The following DAPK1 variants were observed in gnomAD, a reference collection of about 807,000 sequenced individuals.
DAPK1 encodes the protein death-associated protein kinase 1.
Under a neutral mutation model 144.9 loss-of-function variants are expected in DAPK1, and 56 were observed. The observed-to-expected ratio is 0.39, with a 90% confidence interval of 0.31 to 0.48. The LOEUF is 0.48. Among genes scored for constraint, DAPK1 ranks in the 20% least tolerant of loss-of-function variants. The pLI, the probability that DAPK1 is intolerant of heterozygous loss-of-function variation, is 0.95. For synonymous variants in DAPK1, 690 were observed against 749.0 expected, an observed-to-expected ratio of 0.92 and a Z score of 1.29; for missense variants, 1,454 against 1,875.4, an observed-to-expected ratio of 0.78 and a Z score of 4.15.
intron 2 of DAPK1, among the ~76,000 whole-genome samples, chr9:87,570,355 CA>C (rs1288308326): frequency 6.6e-6 from 1 of 152,116 alleles, no homozygotes; most frequent in Non-Finnish European, 1.5e-5. Context: ...TGTCCATTAG[CA>C]AAGAAGAGAA....
At chr9:87,595,819 G>A (rs192153121) in intron 2 of DAPK1, among the ~76,000 whole-genome samples, 2 of 152,194 alleles carry the variant, frequency 1.3e-5, no homozygotes, top group African/African-American at 4.8e-5. Flanking sequence ...CCAGGGTGAC[G>A]GACTGCTGTT....
intron 2 of DAPK1, among the ~76,000 whole-genome samples, chr9:87,528,984 T>C (rs1334012864): frequency 6.6e-6 from 1 of 151,884 alleles, no homozygotes; most frequent in Non-Finnish European, 1.5e-5. Flanking sequence ...AAGGGAAGAA[T>C]GCTTCAAGGG....
chr9:87,686,644 T>C lies in DAPK1; in HGVS notation c.2318T>C (p.Met773Thr). 1.2e-6 allele frequency: 2 copies of C among 1,611,954 alleles called. No individual in the cohort carries two copies. The highest frequency in any genetic ancestry group is 1.3e-5 in the African/African-American group (1 of 74,988). ...TTCGAGCCGGGTCTTACCAAAGGGATGCTGGAGGTGTTTGTGGCCCCGACC... is the reference window on the plus strand; with the variant it reads ...TTCGAGCCGGGTCTTACCAAAGGGACGCTGGAGGTGTTTGTGGCCCCGACC... Reference protein sequence around the residue: ...MMFEPGLTKGMLEVFVAPTHH... With the variant: ...MMFEPGLTKGTLEVFVAPTHH... Residue 773 changes from methionine (M) to threonine (T), a missense_variant, in exon 21 of 26, where the codon ATG becomes ACG. By Grantham distance (81) the Met-to-Thr change is moderately conservative. Coordinates refer to ENST00000408954, the MANE Select transcript of DAPK1 (RefSeq NM_004938.4). The surrounding 1 kb of genome is among the most constrained non-coding windows in gnomAD (Gnocchi z 4.2).
chr9:87,642,762 C>T (rs1025665596), intron 10 of DAPK1, among the ~76,000 whole-genome samples: 2 of 152,174 alleles, frequency 1.3e-5, no homozygotes, highest in Admixed American at 1.3e-4. Flanking sequence ...AGGAAGACCA[C>T]AGCACTAGAT....
At chr9:87,568,182 G>A (rs527986155) in intron 2 of DAPK1, among the ~76,000 whole-genome samples, 9 of 152,370 alleles carry the variant, frequency 5.9e-5, no homozygotes, top group South Asian at 2.1e-4. Flanking sequence ...CAGCTGGAGC[G>A]CACGGGGCCA....
At chr9:87,646,106 C>A in intron 12 of DAPK1, 92 bp downstream of exon 12, 1 of 1,451,206 alleles carries the variant, frequency 6.9e-7, no homozygotes, top group Non-Finnish European at 9.4e-7. Flanking sequence ...CTTCTCCATT[C>A]TCCCTTCCAA....
chr9:87,525,929 T>C (rs1262449466), intron 2 of DAPK1, among the ~76,000 whole-genome samples: 1 of 152,196 alleles, frequency 6.6e-6, no homozygotes, highest in Non-Finnish European at 1.5e-5. Context: ...ATATTAAATT[T>C]ACCAAGAAAC....
chr9:87,594,378 G>A (rs1313976708), intron 2 of DAPK1, among the ~76,000 whole-genome samples: 1 of 152,180 alleles, frequency 6.6e-6, no homozygotes, highest in Non-Finnish European at 1.5e-5. Flanking sequence ...GCTGGAGCCA[G>A]GGTCCCTGCT....
chr9:87,668,689 T>A lies in DAPK1; in HGVS notation c.2001+15T>A. 9.3e-7 allele frequency: 1 copy of A among 1,077,398 alleles called. No individual in the cohort carries two copies. Among genetic ancestry groups the A allele is most frequent in the Non-Finnish European group, 1.5e-6 (1 of 688,980 alleles). 66.7% of individuals were successfully genotyped at this position (1,077,398 alleles called of 1,614,324 possible). On this transcript the variant is annotated intron_variant, in intron 19 of 25. Transcript: ENST00000408954. ...GACTTCGAAAGGTGAGAAGTTCTGT[T>A]ATAGGTCTGAAGTTCTCTACCTGTG...
At chr9:87,653,104 G>T (rs987997205) in intron 17 of DAPK1, among the ~76,000 whole-genome samples, 10 of 144,838 alleles carry the variant, frequency 6.9e-5, no homozygotes, top group Non-Finnish European at 1.2e-4. Context: ...CCGATCCCGG[G>T]TCCTGATTCT....
chr9:87,600,518 G>A (rs888097975), intron 2 of DAPK1, among the ~76,000 whole-genome samples: 7 of 152,128 alleles, frequency 4.6e-5, no homozygotes, highest in Non-Finnish European at 5.9e-5. Context: ...GCTCGAGCTC[G>A]GGAGGTCAAG....
intron 2 of DAPK1, among the ~76,000 whole-genome samples, chr9:87,501,646 A>G (rs1003788339): frequency 2.0e-5 from 3 of 152,260 alleles, no homozygotes; most frequent in Non-Finnish European, 4.4e-5. Flanking sequence ...GACAAAGTAC[A>G]TAGCCAGGAG....
At chr9:87,662,734 C>A (rs1453659100) in intron 18 of DAPK1, among the ~76,000 whole-genome samples, 1 of 151,748 alleles carries the variant, frequency 6.6e-6, no homozygotes, top group African/African-American at 2.4e-5. Context: ...GTGACATCCT[C>A]AGGGTTTTCT....
At chr9:87,525,198 G>A in intron 2 of DAPK1, 1 of 808,288 alleles carries the variant, frequency 1.2e-6, no homozygotes, top group Non-Finnish European at 2.1e-6. Flanking sequence ...ATGAGTACCA[G>A]AACTTTCTGC....
At chr9:87,598,676 A>T (rs961766536) in intron 2 of DAPK1, among the ~76,000 whole-genome samples, 5 of 152,174 alleles carry the variant, frequency 3.3e-5, no homozygotes, top group African/African-American at 7.2e-5. Context: ...GACATTGTAT[A>T]TCCACACCTT....
intron 3 of DAPK1, among the ~76,000 whole-genome samples, chr9:87,627,324 G>A (rs1829526775): frequency 6.6e-6 from 1 of 152,184 alleles, no homozygotes; most frequent in South Asian, 2.1e-4. Context: ...TTGCACAGCT[G>A]GGACAACTGA....
chr9:87,548,399 A>G (rs1443474022), intron 2 of DAPK1, among the ~76,000 whole-genome samples: 1 of 151,870 alleles, frequency 6.6e-6, no homozygotes, highest in East Asian at 1.9e-4. Context: ...TCTCTCCTAT[A>G]TTTTCTCTCT....
intron 2 of DAPK1, among the ~76,000 whole-genome samples, chr9:87,569,237 T>C (rs956755018): frequency 2.6e-5 from 4 of 152,162 alleles, no homozygotes; most frequent in Non-Finnish European, 5.9e-5. Context: ...CTGACGATGG[T>C]TGAGAATTAC....
intron 2 of DAPK1, among the ~76,000 whole-genome samples, chr9:87,575,430 T>C (rs968519371): frequency 1.3e-5 from 2 of 151,404 alleles, no homozygotes; most frequent in East Asian, 3.9e-4. Context: ...CCAGAAGGAG[T>C]GCATGGGTCT....
Sources: allele counts gnomAD v4.1 joint callset (sites outside exome capture counted in the v4.1 genomes callset), GRCh38; gene constraint gnomAD v4.1.1; non-coding constraint Gnocchi (gnomAD v3.1); transcripts MANE v1.5; gene names NCBI Gene and HGNC (gene_info 2026-07-23, HGNC 2026-07-21).